The following TUSC3 variants were observed in gnomAD, a reference collection of about 807,000 sequenced individuals.
TUSC3 encodes the protein tumor suppressor candidate 3, also known as dolichyl-diphosphooligosaccharide--protein glycosyltransferase subunit TUSC3.
A neutral mutation model predicts 44.8 loss-of-function variants in TUSC3; 45 were observed. The observed-to-expected ratio is 1.00, with a 90% CI of 0.79 to 1.29. The LOEUF is 1.29. TUSC3 is among the 50% of genes most tolerant of loss of function. TUSC3 has a pLI of 0.00. For missense variants in TUSC3, 519 were observed against 437.9 expected (o/e 1.19, Z -1.65); for synonymous variants, 212 against 152.9 (o/e 1.39, Z -2.85).
the TUSC3 span, among the ~76,000 whole-genome samples, chr8:15,847,955 A>G: frequency 6.6e-6 from 1 of 152,296 alleles, no homozygotes; most frequent in Non-Finnish European, 1.5e-5. Context: ...GAAAATATTA[A>G]TTGCTGCATA....
chr8:15,683,734 C>T (rs1443521868), intron 6 of TUSC3, among the ~76,000 whole-genome samples: 1 of 152,128 alleles, frequency 6.6e-6, no homozygotes, highest in South Asian at 2.1e-4. Context: ...GTACTTCCTG[C>T]ACTGATTCCT....
upstream of TUSC3, among the ~76,000 whole-genome samples, chr8:15,538,952 T>A (rs1441952802): frequency 1.3e-5 from 2 of 151,498 alleles, no homozygotes; most frequent in African/African-American, 4.9e-5. Context: ...TGGGCTCTAG[T>A]GATCCTTCCA....
At chr8:15,505,289 T>C (rs1183325568) in intron 2 of TUSC3, among the ~76,000 whole-genome samples, 1 of 152,232 alleles carries the variant, frequency 6.6e-6, no homozygotes, top group Non-Finnish European at 1.5e-5. Context: ...GCACTGTCAA[T>C]TGTCAAAAAG....
At chr8:15,435,534 T>C (rs1799935012) in intron 1 of TUSC3, among the ~76,000 whole-genome samples, 1 of 152,190 alleles carries the variant, frequency 6.6e-6, no homozygotes, top group Admixed American at 6.5e-5. Context: ...AAAATACTAA[T>C]ATAGAAGTAC....
At chr8:15,504,078 C>T (rs1009035914) in intron 2 of TUSC3, among the ~76,000 whole-genome samples, 4 of 151,758 alleles carry the variant, frequency 2.6e-5, no homozygotes, top group Admixed American at 2.6e-4. Flanking sequence ...ATCCACTGCT[C>T]GCTTCAGACT....
intron 1 of TUSC3, among the ~76,000 whole-genome samples, chr8:15,435,405 A>AT (rs1287705510): frequency 1.3e-5 from 2 of 152,172 alleles, no homozygotes; most frequent in African/African-American, 4.8e-5. Flanking sequence ...GGGCTTGAAA[A>AT]TTTTTTTGAT....
intron 8 of TUSC3, among the ~76,000 whole-genome samples, chr8:15,747,420 T>C (rs1036942778): frequency 6.6e-6 from 1 of 151,650 alleles, no homozygotes; most frequent in African/African-American, 2.4e-5. Flanking sequence ...AGATTAACAC[T>C]AATTTCTACT....
chr8:15,518,337 C>T (rs1007836927), intron 2 of TUSC3, among the ~76,000 whole-genome samples: 2 of 151,892 alleles, frequency 1.3e-5, no homozygotes, highest in African/African-American at 4.8e-5. Flanking sequence ...ATACATGTTA[C>T]AGTTTTATCC....
chr8:15,735,047 C>G (rs1352228538), intron 7 of TUSC3, among the ~76,000 whole-genome samples: 1 of 152,094 alleles, frequency 6.6e-6, no homozygotes, highest in Non-Finnish European at 1.5e-5. Context: ...AGGTTGAGCC[C>G]CGCATGTCTT....
chr8:15,698,393 ATT>A (rs1423416706), intron 6 of TUSC3, among the ~76,000 whole-genome samples: 1 of 152,238 alleles, frequency 6.6e-6, no homozygotes, highest in African/African-American at 2.4e-5. Flanking sequence ...TGAAATAAGT[ATT>A]AACTATATAT....
At chr8:15,589,518 C>G (rs186864370) in intron 1 of TUSC3, among the ~76,000 whole-genome samples, 82 of 152,202 alleles carry the variant, frequency 5.4e-4, no homozygotes, top group African/African-American at 1.9e-3. Flanking sequence ...TTAATAGTAG[C>G]TAATTACAAT....
chr8:15,695,787 T>C (rs939007495), intron 6 of TUSC3, among the ~76,000 whole-genome samples: 1 of 152,140 alleles, frequency 6.6e-6, no homozygotes, highest in Non-Finnish European at 1.5e-5. Flanking sequence ...GCGACTCTTG[T>C]TACGTTTTAG....
intron 2 of TUSC3, among the ~76,000 whole-genome samples, chr8:15,646,656 T>C (rs1806646669): frequency 1.3e-5 from 2 of 152,102 alleles, no homozygotes; most frequent in African/African-American, 4.8e-5. Context: ...ATCAAAACAA[T>C]GTTATGTGCT....
intron 1 of TUSC3, among the ~76,000 whole-genome samples, chr8:15,542,904 A>G (rs1801737220): frequency 6.6e-6 from 1 of 152,200 alleles, no homozygotes; most frequent in African/African-American, 2.4e-5. Flanking sequence ...TGTTTTCAAG[A>G]CTGTACTTTC....
intron 6 of TUSC3, among the ~76,000 whole-genome samples, chr8:15,716,273 A>T (rs1459971644): frequency 6.6e-6 from 1 of 152,190 alleles, no homozygotes; most frequent in East Asian, 1.9e-4. Context: ...AAAAAACAAA[A>T]ATTCTAATTG....
intron 2 of TUSC3, among the ~76,000 whole-genome samples, chr8:15,634,566 G>C (rs1805976787): frequency 6.6e-6 from 1 of 152,154 alleles, no homozygotes; most frequent in South Asian, 2.1e-4. Flanking sequence ...GACAAAGTTT[G>C]TTCAGACCCC....
At chr8:15,762,882 C>G (rs926618991) in intron 10 of TUSC3, among the ~76,000 whole-genome samples, 3 of 121,510 alleles carry the variant, frequency 2.5e-5, no homozygotes, top group African/African-American at 9.7e-5. Context: ...GCTTAAGGCC[C>G]TGACAAGGTT....
intron 10 of TUSC3, among the ~76,000 whole-genome samples, chr8:15,759,808 G>T (rs1585312495): frequency 6.6e-6 from 1 of 152,144 alleles, no homozygotes; most frequent in Non-Finnish European, 1.5e-5. Context: ...CACATTAACA[G>T]TTCACCTCAC....
chr8:15,439,225 T>C (rs770618663), intron 1 of TUSC3, among the ~76,000 whole-genome samples: 1 of 152,158 alleles, frequency 6.6e-6, no homozygotes. Context: ...AACCCAGTGA[T>C]GCAGTCCATA....
Sources: allele counts gnomAD v4.1 joint callset (sites outside exome capture counted in the v4.1 genomes callset), GRCh38; gene constraint gnomAD v4.1.1; transcripts MANE v1.5; gene names NCBI Gene and HGNC (gene_info 2026-07-23, HGNC 2026-07-21).